The following AFAP1L2 variants were observed in gnomAD, a reference collection of about 807,000 sequenced individuals.
AFAP1L2 encodes actin filament-associated protein 1-like 2.
Under a neutral mutation model 99.3 loss-of-function variants are expected in AFAP1L2, and 46 were observed. The observed-to-expected ratio is 0.46, with a 90% CI of 0.37 to 0.59. The LOEUF (loss-of-function observed/expected upper bound fraction) is 0.59. Among genes scored for constraint, AFAP1L2 ranks in the 20% least tolerant of loss-of-function variants. AFAP1L2 has a pLI of 0.00. For missense variants in AFAP1L2, 959 were observed against 1,034.9 expected, an observed-to-expected ratio of 0.93 and a Z score of 1.01; for synonymous variants, 397 against 419.1, an observed-to-expected ratio of 0.95 and a Z score of 0.64.
At chr10:114,386,122 G>C (rs1224200367) in intron 1 of AFAP1L2, among the ~76,000 whole-genome samples, 1 of 152,224 alleles carries the variant, frequency 6.6e-6, no homozygotes, top group Non-Finnish European at 1.5e-5. Context: ...AGACAGGTAA[G>C]TTAAGGTCCC....
chr10:114,289,500 G>A, the AFAP1L2 span: 4 of 1,613,714 alleles, frequency 2.5e-6, no homozygotes, highest in Non-Finnish European at 3.4e-6. Context: ...GTGAGTGGGG[G>A]AATCCACACC....
At chr10:114,314,902 G>C (rs1324637109) in intron 6 of AFAP1L2, among the ~76,000 whole-genome samples, 1 of 152,178 alleles carries the variant, frequency 6.6e-6, no homozygotes, top group Non-Finnish European at 1.5e-5. Flanking sequence ...CAGCACTTTG[G>C]GAGGCTGAGG....
At chr10:114,330,678 T>A (rs1172457383) in intron 4 of AFAP1L2, among the ~76,000 whole-genome samples, 2 of 152,222 alleles carry the variant, frequency 1.3e-5, no homozygotes, top group African/African-American at 4.8e-5. Flanking sequence ...AAAGAGCTAG[T>A]GGCATGCAGA....
intron 10 of AFAP1L2, among the ~76,000 whole-genome samples, chr10:114,305,790 A>G (rs1446554031): frequency 1.8e-5 from 2 of 112,998 alleles, no homozygotes; most frequent in African/African-American, 3.6e-5. Flanking sequence ...GAGGGGACGC[A>G]GATGCAGGAG....
chr10:114,404,781 G>T, upstream of AFAP1L2: 1 of 286,624 alleles, frequency 3.5e-6, no homozygotes, highest in Non-Finnish European at 6.4e-6. Context: ...GACTCCGGGG[G>T]CGTCGAGAGG....
chr10:114,376,309 TA>T (rs537963092), intron 1 of AFAP1L2, among the ~76,000 whole-genome samples: 2 of 152,196 alleles, frequency 1.3e-5, no homozygotes, highest in Admixed American at 6.5e-5. Flanking sequence ...GGAAGTGGAA[TA>T]GGGGTGACAA....
intron 5 of AFAP1L2, 58 bp from the exon 6 acceptor site, chr10:114,315,823 G>C: frequency 6.6e-7 from 1 of 1,519,584 alleles, no homozygotes. Context: ...TCCTGAAGCA[G>C]CATCGCTGGG....
intron 7 of AFAP1L2, among the ~76,000 whole-genome samples, 153 bp downstream of exon 7, chr10:114,313,718 C>T (rs2043631015): frequency 6.6e-6 from 1 of 152,204 alleles, no homozygotes; most frequent in South Asian, 2.1e-4. Flanking sequence ...AACCCATTTG[C>T]AGAAGACAGA....
intron 1 of AFAP1L2, among the ~76,000 whole-genome samples, chr10:114,364,412 C>G (rs532503080): frequency 3.3e-5 from 5 of 152,306 alleles, no homozygotes; most frequent in Admixed American, 1.3e-4. Flanking sequence ...GGGGAAGAAC[C>G]TTACTTGGCT....
chr10:114,295,151 C>T lies in AFAP1L2; in HGVS notation c.*891G>A. ...TCTTGGAAGGAGAATGAACATTAAA[C>T]AGAACTTAAAATCAGAGACTATTTA... is the stretch of plus-strand genomic sequence containing the variant. On this transcript the variant is annotated 3_prime_UTR_variant, in exon 19 of 19. Transcript: ENST00000304129. 5 of 985,506 alleles carry T rather than the reference C, an allele frequency of 5.1e-6. No homozygotes were observed. The highest frequency in any genetic ancestry group is 5.2e-4 in the Middle Eastern group (1 of 1,912). 61.0% of individuals were successfully genotyped at this position (985,506 alleles called of 1,614,324 possible). A position where few individuals can be genotyped will look rare whatever the true frequency, so the allele number is the denominator to read the frequency against.
At chr10:114,339,321 C>T (rs1452998993) in intron 2 of AFAP1L2, among the ~76,000 whole-genome samples, 2 of 152,168 alleles carry the variant, frequency 1.3e-5, no homozygotes, top group African/African-American at 2.4e-5. Flanking sequence ...GTGGCGGGCG[C>T]CTGTAGTCCC....
chr10:114,300,498 C>G lies in AFAP1L2; in HGVS notation c.1735G>C (p.Gly579Arg), dbSNP rs745519282. The change falls in exon 14 of 19, where the codon GGT becomes CGT. Residue 579 changes from glycine to arginine, a missense_variant. By Grantham distance (125) the Gly-to-Arg change is moderately radical. Coordinates refer to ENST00000304129, the MANE Select transcript of AFAP1L2 (RefSeq NM_001001936.3). ...TEALPADSGP[G>R]PTPDEPCIKC... ...ATGCAGGGCTCATCTGGGGTGGGAC[C>G]TGGGCCTGAGTCTGCCGGGAGGGCC... 4.3e-6 allele frequency: 7 copies of G among 1,614,160 alleles called. No individual in the cohort carries two copies. The highest frequency in any genetic ancestry group is 5.9e-6 in the Non-Finnish European group (7 of 1,180,028).
At chr10:114,380,298 G>A (rs1330915681) in intron 1 of AFAP1L2, among the ~76,000 whole-genome samples, 2 of 152,154 alleles carry the variant, frequency 1.3e-5, no homozygotes, top group African/African-American at 4.8e-5. Flanking sequence ...AACACCTGAG[G>A]CAGTTGCTTT....
intron 1 of AFAP1L2, among the ~76,000 whole-genome samples, chr10:114,385,811 A>C (rs2056425049): frequency 1.3e-5 from 2 of 152,194 alleles, no homozygotes; most frequent in Non-Finnish European, 2.9e-5. Context: ...AATGCCAAGA[A>C]CGTCAGTGAA....
intron 1 of AFAP1L2, among the ~76,000 whole-genome samples, chr10:114,360,539 A>G (rs1324391764): frequency 0.047 from 6,941 of 147,060 alleles, 365 homozygotes; most frequent in African/African-American, 0.14. Context: ...ATAGATAGAT[A>G]GATAGATAGA....
At chr10:114,314,176 G>A (rs2043744715) in intron 6 of AFAP1L2, 126 bp from the exon 7 acceptor site, 3 of 879,802 alleles carry the variant, frequency 3.4e-6, no homozygotes, top group African/African-American at 3.4e-5. Flanking sequence ...GCAAGACTAA[G>A]AGGCTGGACA....
chr10:114,343,550 A>G (rs972442722), intron 1 of AFAP1L2, among the ~76,000 whole-genome samples: 1 of 152,166 alleles, frequency 6.6e-6, no homozygotes, highest in Non-Finnish European at 1.5e-5. Flanking sequence ...ATAACCAGCA[A>G]GGAGGGAGGG....
intron 1 of AFAP1L2, among the ~76,000 whole-genome samples, chr10:114,395,616 A>T (rs934939928): frequency 6.6e-6 from 1 of 152,032 alleles, no homozygotes. Flanking sequence ...AAACTGGGGG[A>T]GAAAAAAACG....
intron 1 of AFAP1L2, among the ~76,000 whole-genome samples, chr10:114,391,011 C>A (rs143060723): frequency 1.3e-3 from 194 of 152,194 alleles, no homozygotes; most frequent in African/African-American, 4.4e-3. Flanking sequence ...TACATTCATG[C>A]CTTTTTCTGG....
Sources: allele counts gnomAD v4.1 joint callset (sites outside exome capture counted in the v4.1 genomes callset), GRCh38; gene constraint gnomAD v4.1.1; transcripts MANE v1.5; gene names NCBI Gene and HGNC (gene_info 2026-07-23, HGNC 2026-07-21).